The following RBM17 variants were observed in gnomAD, a reference collection of about 807,000 sequenced individuals.
RBM17 encodes the protein splicing factor 45.
A neutral mutation model predicts 53.2 loss-of-function variants in RBM17; 7 were observed. The ratio of observed to expected loss-of-function variants is 0.13; its 90% CI spans 0.07 to 0.25. RBM17 has a LOEUF of 0.25. Ranked by LOEUF, RBM17 falls within the 10% of genes least tolerant of loss-of-function variation. The probability of loss-of-function intolerance (pLI) is 1.00; values close to 1 mark genes in which losing one functional copy is unlikely to be tolerated. For missense variants in RBM17, 257 were observed against 496.7 expected (o/e 0.52, Z 4.59); for synonymous variants, 167 against 178.1 (o/e 0.94, Z 0.50).
chr10:6,100,164 A>G (rs1023785635), intron 2 of RBM17, among the ~76,000 whole-genome samples: 1 of 152,248 alleles, frequency 6.6e-6, no homozygotes, highest in East Asian at 1.9e-4. Flanking sequence ...GCTTAAATTT[A>G]TAAGTATTGT....
At chr10:6,110,463 G>A (rs903783527) in intron 7 of RBM17, among the ~76,000 whole-genome samples, 1 of 152,174 alleles carries the variant, frequency 6.6e-6, no homozygotes, top group African/African-American at 2.4e-5. Context: ...GTCTCCAAAG[G>A]GCAGGTGATA....
At chr10:6,099,507 C>T (rs540271405) in intron 2 of RBM17, among the ~76,000 whole-genome samples, 7 of 152,100 alleles carry the variant, frequency 4.6e-5, no homozygotes, top group Non-Finnish European at 8.8e-5. Context: ...GTGCCCAAGT[C>T]CCTTATATAA....
intron 2 of RBM17, 44 bp downstream of exon 2, chr10:6,097,232 G>A: frequency 6.3e-7 from 1 of 1,596,898 alleles, no homozygotes; most frequent in Non-Finnish European, 8.5e-7. Flanking sequence ...CTCCAGAGTG[G>A]GTTCCTCATT....
At chr10:6,107,023 G>T (rs1840758264) in intron 5 of RBM17, among the ~76,000 whole-genome samples, 1 of 152,180 alleles carries the variant, frequency 6.6e-6, no homozygotes, top group Non-Finnish European at 1.5e-5. Flanking sequence ...TAGTGACAAG[G>T]TTAGTAAAAT....
At chr10:6,092,446 A>G (rs892965959) in intron 1 of RBM17, among the ~76,000 whole-genome samples, 6 of 152,250 alleles carry the variant, frequency 3.9e-5, no homozygotes. Context: ...TAGATTAACT[A>G]AAACTGTAAA....
chr10:6,116,639 CT>C lies in RBM17; in HGVS notation c.*1086del, dbSNP rs1179505703. On this transcript the variant is annotated 3_prime_UTR_variant, in exon 12 of 12. Transcript: ENST00000379888. The stretch of plus-strand genomic sequence containing the variant: ...TTGCTTTCCCAAATACTGCATGTGA[CT>C]TTCCTAAGCGGCAGCTGAAAGACTC... 3 of 152,348 alleles carry C rather than the reference CT, an allele frequency of 2.0e-5. No homozygotes were observed. The highest frequency in any genetic ancestry group is 7.2e-5 in the African/African-American group (3 of 41,452). 9.4% of individuals were successfully genotyped at this position (152,348 alleles called of 1,614,324 possible).
intron 6 of RBM17, 44 bp downstream of exon 6, chr10:6,108,786 T>C: frequency 1.3e-6 from 2 of 1,490,446 alleles, no homozygotes; most frequent in Non-Finnish European, 1.9e-6. Context: ...ATACAGGTCT[T>C]TAACCCAACC....
At chr10:6,098,791 G>A (rs1042745298) in intron 2 of RBM17, among the ~76,000 whole-genome samples, 1 of 151,920 alleles carries the variant, frequency 6.6e-6, no homozygotes, top group Non-Finnish European at 1.5e-5. Context: ...CTCGTGATCC[G>A]CCTGCCTTGG....
rs1241716939 is a variant in RBM17 at position 6,112,762 on chromosome 10, T to G, written c.856+401T>G. 1.1e-5 allele frequency: 3 copies of G among 263,090 alleles called. No homozygotes were observed. The highest frequency in any genetic ancestry group is 6.6e-5 in the African/African-American group (3 of 45,518). The allele number at this position is 263,090 out of a possible 1,614,324, so 16.3% of individuals were successfully genotyped here. On this transcript the variant is annotated intron_variant, in intron 8 of 11. Coordinates refer to ENST00000379888, the MANE Select transcript of RBM17 (RefSeq NM_032905.5). The surrounding 1 kb of genome is among the most constrained non-coding windows in gnomAD (Gnocchi z 4.4). ...TCTCCATCTCAGAGGTCGTCTCTAC[T>G]TTTCCCTTTTGCCCTTTCAGTATAG...
At position 6,089,706 on chromosome 10, in the gene RBM17, C is replaced by T. The variant is rs1409562848; in HGVS notation, c.-19+513C>T. The T allele has an allele frequency of 1.3e-5, 2 of 152,394 alleles. No individual in the cohort carries two copies. Among genetic ancestry groups the T allele is most frequent in the African/African-American group, 2.4e-5 (1 of 41,456 alleles). The allele number at this position is 152,394 out of a possible 1,614,324, so 9.4% of individuals were successfully genotyped here. A position where few individuals can be genotyped will look rare whatever the true frequency, so the allele number is the denominator to read the frequency against. On this transcript the variant is annotated intron_variant, in intron 1 of 11. Transcript: ENST00000379888. This position sits in a 1 kb window ranked among gnomAD's most constrained non-coding sequence, Gnocchi z 5.6. ...CCGGGACAGGAATGCAGCCCTAACCCCGGCGTCGCCTCGGCTCGTGCAGTT... is the reference window on the plus strand; with the variant it reads ...CCGGGACAGGAATGCAGCCCTAACCTCGGCGTCGCCTCGGCTCGTGCAGTT...
In RBM17 at chr10:6,089,079, A is replaced by G. The variant is rs140764661; in HGVS notation, c.-133A>G. ...GCGCCGCCGAGCGCCCTGAGGACTC[A>G]GCGAAGGGTGGGCGCCGCCGAGGCC... On this transcript the variant is annotated 5_prime_UTR_variant, in exon 1 of 12. Transcript: ENST00000379888. This position sits in a 1 kb window ranked among gnomAD's most constrained non-coding sequence, Gnocchi z 5.6. The G allele has an allele frequency of 0.037, 5,829 of 155,888 alleles. 204 individuals are homozygous for G. The highest frequency in any genetic ancestry group is 0.18 in the East Asian group (940 of 5,276). 9.7% of individuals were successfully genotyped at this position (155,888 alleles called of 1,614,324 possible).
chr10:6,105,339 T>C (rs1037008982), intron 4 of RBM17, among the ~76,000 whole-genome samples: 2 of 152,198 alleles, frequency 1.3e-5, no homozygotes, highest in African/African-American at 4.8e-5. Context: ...GAAAAATAAC[T>C]TATAAACCTG....
At chr10:6,107,521 G>C (rs537238303) in intron 5 of RBM17, among the ~76,000 whole-genome samples, 3 of 108,348 alleles carry the variant, frequency 2.8e-5, no homozygotes, top group African/African-American at 7.3e-5. Flanking sequence ...TTGCTCTGTT[G>C]CCCAGGCTGG....
chr10:6,115,592 C>T lies in RBM17; in HGVS notation c.*36C>T. 7.7e-7 allele frequency: 1 copy of T among 1,295,266 alleles called. No homozygotes were observed. The highest frequency in any genetic ancestry group is 1.1e-6 in the Non-Finnish European group (1 of 891,780). The allele number at this position is 1,295,266 out of a possible 1,614,324, so 80.2% of individuals were successfully genotyped here. On this transcript the variant is annotated 3_prime_UTR_variant, in exon 12 of 12. Transcript: ENST00000379888. Reference sequence around the variant, plus strand: ...TAGAGCACGAGTCATCTCCGGTGATCCTTAAATGAACTGCAGGCTGAGAAA... The same window carrying T: ...TAGAGCACGAGTCATCTCCGGTGATTCTTAAATGAACTGCAGGCTGAGAAA...
chr10:6,112,375 G>C lies in RBM17; in HGVS notation c.856+14G>C, dbSNP rs761927598. On this transcript the variant is annotated intron_variant, in intron 8 of 11. Coordinates refer to ENST00000379888, the MANE Select transcript of RBM17 (RefSeq NM_032905.5). The surrounding 1 kb of genome is among the most constrained non-coding windows in gnomAD (Gnocchi z 4.4). ...CCACAGAGAAAGGTGTGTCCCCAGG[G>C]AAGCGTGTGACTAGAGGGAAAGGAC... 6 of 1,613,654 alleles carry C rather than the reference G, an allele frequency of 3.7e-6. No individual in the cohort carries two copies. Among genetic ancestry groups the C allele is most frequent in the Non-Finnish European group, 5.1e-6 (6 of 1,179,912 alleles).
intron 5 of RBM17, 31 bp from the exon 6 acceptor site, chr10:6,108,652 ACCT>A (rs750683758): frequency 2.3e-5 from 36 of 1,587,012 alleles, no homozygotes; most frequent in South Asian, 6.7e-5. Context: ...GGCATCGGAA[ACCT>A]CCTTTAATGC....
chr10:6,116,557 G>A lies in RBM17; in HGVS notation c.*1001G>A, dbSNP rs1050816615. On this transcript the variant is annotated 3_prime_UTR_variant, in exon 12 of 12. Transcript: ENST00000379888. The stretch of plus-strand genomic sequence containing the variant: ...GAAAACAAAAATATTTGGTACTGAG[G>A]TTCATTGCCAGGGCAGGAGGTATTT... The A allele has an allele frequency of 6.6e-6, 1 of 152,332 alleles. No homozygotes were observed. The highest frequency in any genetic ancestry group is 6.5e-5 in the Admixed American group (1 of 15,278). The allele number at this position is 152,332 out of a possible 1,614,324, so 9.4% of individuals were successfully genotyped here.
At chr10:6,096,609 T>G (rs1840578867) in intron 1 of RBM17, among the ~76,000 whole-genome samples, 2 of 152,226 alleles carry the variant, frequency 1.3e-5, no homozygotes, top group South Asian at 4.1e-4. Context: ...TTTTTTTCCC[T>G]AGGAGTACGT....
In RBM17 at chr10:6,106,324, A is replaced by C. The variant is rs1308499532; in HGVS notation, c.505+86A>C. On this transcript the variant is annotated intron_variant, in intron 5 of 11. Coordinates refer to ENST00000379888, the MANE Select transcript of RBM17 (RefSeq NM_032905.5). ...GTGCTTTTTCTTTTCAGTTTGATAA[A>C]TAGTTCATTTGACATTGATTTGGGT... The C allele has an allele frequency of 4.6e-6, 4 of 873,906 alleles. No homozygotes were observed. The Admixed American group carries it at 8.7e-5, about 19-fold the overall frequency. The allele number at this position is 873,906 out of a possible 1,614,324, so 54.1% of individuals were successfully genotyped here. A position where few individuals can be genotyped will look rare whatever the true frequency, so the allele number is the denominator to read the frequency against.
Sources: allele counts gnomAD v4.1 joint callset (sites outside exome capture counted in the v4.1 genomes callset), GRCh38; gene constraint gnomAD v4.1.1; non-coding constraint Gnocchi (gnomAD v3.1); transcripts MANE v1.5; gene names NCBI Gene and HGNC (gene_info 2026-07-23, HGNC 2026-07-21).